TRAF7: variants seen among roughly 807,000 people sequenced by gnomAD.
TRAF7 encodes TNF receptor associated factor 7, also known as E3 ubiquitin-protein ligase TRAF7.
In TRAF7, 45 loss-of-function variants were observed where a neutral mutation model predicts 89.3. The ratio of observed to expected loss-of-function variants is 0.50; its 90% confidence interval spans 0.40 to 0.65. The LOEUF (loss-of-function observed/expected upper bound fraction) is 0.65. Ranked by LOEUF, TRAF7 falls within the 30% of genes least tolerant of loss-of-function variation. The probability of loss-of-function intolerance (pLI) is 0.00; values close to 1 mark genes in which losing one functional copy is unlikely to be tolerated. For synonymous variants in TRAF7, 406 were observed against 369.2 expected (o/e 1.10, Z -1.14); for missense variants, 677 against 918.1 (o/e 0.74, Z 3.39).
chr16:2,156,722 T>C (rs1021167668), intron 1 of TRAF7, among the ~76,000 whole-genome samples: 10 of 40,542 alleles, frequency 2.5e-4, no homozygotes, highest in Admixed American at 1.5e-3. Flanking sequence ...GCTCACAGGG[T>C]GCATGGTGGG....
intron 3 of TRAF7, among the ~76,000 whole-genome samples, chr16:2,166,802 C>T (rs558160968): frequency 2.4e-4 from 36 of 152,390 alleles, no homozygotes; most frequent in African/African-American, 7.9e-4. Context: ...AACCAGAGTG[C>T]TGCGCTTTGA....
Position 2,164,145 on chromosome 16 carries a change from T to TGG in TRAF7, c.81+145_81+146insGG, listed in dbSNP as rs1169355037. The TGG allele has an allele frequency of 1.2e-4, 67 of 557,934 alleles. No homozygotes were observed. In the African/African-American group the frequency reaches 1.4e-3, roughly 11 times the overall value. 34.6% of individuals were successfully genotyped at this position (557,934 alleles called of 1,614,324 possible). A position where few individuals can be genotyped will look rare whatever the true frequency, so the allele number is the denominator to read the frequency against. ...GCTCGGTGGGGGGGGGTGTGGTGTG[T>TGG]GTGTGTGTGTGTGTGCGCGCGCGCG... On this transcript the variant is annotated intron_variant, in intron 2 of 20. Transcript: ENST00000326181.
intron 14 of TRAF7, 82 bp downstream of exon 14, chr16:2,174,415 C>T: frequency 1.4e-6 from 2 of 1,397,378 alleles, no homozygotes; most frequent in Non-Finnish European, 2.0e-6. Flanking sequence ...GAGCCATGAG[C>T]TCGAGCCTGT....
In TRAF7 at chr16:2,174,061, C is replaced by A; in HGVS notation, c.1263+13C>A. ...CAAGACCATCAAGGTGGGCAGGGTCCTACCTCAGTCTCTGCAGCCTGGCTG... is the reference window on the plus strand; with the variant it reads ...CAAGACCATCAAGGTGGGCAGGGTCATACCTCAGTCTCTGCAGCCTGGCTG... On this transcript the variant is annotated intron_variant, in intron 13 of 20. Transcript: ENST00000326181. 1 of 1,612,200 alleles carries A rather than the reference C, an allele frequency of 6.2e-7. No homozygotes were observed. Among genetic ancestry groups the A allele is most frequent in the South Asian group, 1.1e-5 (1 of 91,066 alleles).
rs1431489675 is a variant in TRAF7, at chr16:2,158,875, C to G, written c.-39+3017C>G. On this transcript the variant is annotated intron_variant, in intron 1 of 20. Coordinates refer to ENST00000326181, the MANE Select transcript of TRAF7 (RefSeq NM_032271.3). This position sits in a 1 kb window ranked among gnomAD's most constrained non-coding sequence, Gnocchi z 4.7. ...TGGGTGAGAGCCAGGAACGCACTCC[C>G]CAGCCCAGAGCTGTGAAGCTGGGGT... Among the ~76,000 whole-genome samples the G allele has an allele frequency of 6.6e-6, 1 of 152,008 alleles. No homozygotes were observed. Among genetic ancestry groups the G allele is most frequent in the African/African-American group, 2.4e-5 (1 of 41,370 alleles).
At chr16:2,176,008 T>C (rs1434627781) in intron 18 of TRAF7, 41 bp from the exon 19 acceptor site, 3 of 1,610,396 alleles carry the variant, frequency 1.9e-6, no homozygotes, top group Non-Finnish European at 2.5e-6. Flanking sequence ...CTCCCCCGCC[T>C]TGCTCAGTGT....
In TRAF7 at chr16:2,175,145, A is replaced by C; in HGVS notation, c.1381A>C (p.Ile461Leu). ...CTACAGCGGCTCTGCAGACTGCACC[A>C]TCATTGTGAGTGGGGCCTACAGGCG... Reference protein sequence around the residue: ...KLYSGSADCTIIVWDIQNLQK... With the variant: ...KLYSGSADCTLIVWDIQNLQK... Residue 461 changes from isoleucine (I) to leucine (L), a missense_variant, in exon 15 of 21, where the codon ATC becomes CTC. Ile to Leu is a conservative substitution (Grantham distance 5, BLOSUM62 2). Around this residue, in one of 6 missense-constraint regions of TRAF7, gnomAD observed 160 missense variants for 263.7 expected, o/e 0.61. Transcript: ENST00000326181. 6.2e-7 allele frequency: 1 copy of C among 1,613,750 alleles called. No individual in the cohort carries two copies. Among genetic ancestry groups the C allele is most frequent in the Non-Finnish European group, 8.5e-7 (1 of 1,179,976 alleles).
At chr16:2,169,476 C>T (rs887535047) in intron 4 of TRAF7, among the ~76,000 whole-genome samples, 2 of 152,146 alleles carry the variant, frequency 1.3e-5, no homozygotes, top group African/African-American at 4.8e-5. Flanking sequence ...GTCACGGTGG[C>T]TTTCAAGAGA....
At position 2,172,604 on chromosome 16, in the gene TRAF7, G is replaced by GT; in HGVS notation, c.794+6dup. ...ATGCCCCCACTCCAAGTACGGGTGA[G>GT]TGGGGGGCGGGCGGGGGTGGGCCGG... On this transcript the variant is annotated splice_donor_region_variant and intron_variant, in intron 9 of 20. Coordinates refer to ENST00000326181, the MANE Select transcript of TRAF7 (RefSeq NM_032271.3). 6.5e-7 allele frequency: 1 copy of GT among 1,545,626 alleles called. No homozygotes were observed.
chr16:2,168,102 G>C lies in TRAF7; in HGVS notation c.165G>C (p.Gln55His). ...CTGACGGGACCAGCACCTACAAGCA[G>C]CACTGCAGGACACCCTCCTCCTCCA... Reference protein sequence around the residue: ...TKADGTSTYKQHCRTPSSSST... With the variant: ...TKADGTSTYKHHCRTPSSSST... The change falls in exon 4 of 21, where the codon CAG becomes CAC. Residue 55 changes from glutamine (Q) to histidine (H), a missense_variant. Gln to His is a conservative substitution (Grantham distance 24, BLOSUM62 0). Coordinates refer to ENST00000326181, the MANE Select transcript of TRAF7 (RefSeq NM_032271.3). This position sits in a 1 kb window ranked among gnomAD's most constrained non-coding sequence, Gnocchi z 4.1. The C allele has an allele frequency of 6.2e-7, 1 of 1,612,112 alleles. No individual in the cohort carries two copies. Among genetic ancestry groups the C allele is most frequent in the South Asian group, 1.1e-5 (1 of 91,060 alleles).
At position 2,176,148 on chromosome 16, in the gene TRAF7, G is replaced by A. The variant is rs751292512; in HGVS notation, c.1846G>A (p.Val616Ile). The change falls in exon 19 of 21, where the codon GTC becomes ATC. Residue 616 changes from valine (V) to isoleucine (I), a missense_variant. Physicochemically the swap from Val to Ile is conservative, Grantham distance 29. Coordinates refer to ENST00000326181, the MANE Select transcript of TRAF7 (RefSeq NM_032271.3). ...CATCTCGACGCCAGACCAGACCAAA[G>A]TCTTCAGTGCATCCTACGACCGGTC... ...AVISTPDQTKVFSASYDRSLR... is the reference protein window; with the variant it reads ...AVISTPDQTKIFSASYDRSLR... 1.2e-6 allele frequency: 2 copies of A among 1,609,766 alleles called. No individual in the cohort carries two copies. Among genetic ancestry groups the A allele is most frequent in the South Asian group, 2.2e-5 (2 of 90,972 alleles).
Position 2,176,567 on chromosome 16 carries a change from C to G in TRAF7, c.2006C>G (p.Thr669Ser), listed in dbSNP as rs1348441680. The G allele has an allele frequency of 6.2e-7, 1 of 1,613,462 alleles. No homozygotes were observed. The highest frequency in any genetic ancestry group is 8.5e-7 in the Non-Finnish European group (1 of 1,179,998). The change falls in exon 21 of 21, where the codon ACT (threonine) becomes AGT (serine). Residue 669 changes from threonine (T) to serine (S), a missense_variant. Thr to Ser is a moderately conservative substitution (Grantham distance 58). This residue lies in a region of TRAF7 where 23 missense variants were observed against 31.7 expected (regional missense o/e 0.73). Coordinates refer to ENST00000326181, the MANE Select transcript of TRAF7 (RefSeq NM_032271.3). ...GCAGCCCTTTCTCTGCAGGTTTGGA[C>G]TTGCTAACAGGATCCAGGCCAGGCT... Reference protein sequence around the residue: ...GAVDSTVKVWTC With the variant: ...GAVDSTVKVWSC
intron 3 of TRAF7, among the ~76,000 whole-genome samples, chr16:2,167,781 C>A (rs1354679360): frequency 6.6e-6 from 1 of 152,130 alleles, no homozygotes; most frequent in Non-Finnish European, 1.5e-5. Context: ...TTGTAGAGGC[C>A]CTGAAAGAAG....
intron 17 of TRAF7, 93 bp downstream of exon 17, chr16:2,175,715 C>T (rs2093132848): frequency 1.3e-6 from 2 of 1,587,592 alleles, no homozygotes; most frequent in Non-Finnish European, 1.7e-6. Context: ...CTGTTCCTAC[C>T]TTCGCACATC....
intron 3 of TRAF7, 101 bp downstream of exon 3, chr16:2,166,037 TG>T: frequency 6.8e-7 from 1 of 1,474,670 alleles, no homozygotes; most frequent in Non-Finnish European, 9.3e-7. Flanking sequence ...GAGCTGGTGT[TG>T]GGTGCCAGTG....
intron 1 of TRAF7, among the ~76,000 whole-genome samples, chr16:2,157,384 C>T (rs1331840880): frequency 6.6e-6 from 1 of 152,090 alleles, no homozygotes; most frequent in Admixed American, 6.5e-5. Flanking sequence ...AAGTGACTTC[C>T]ACCGTGGCCC....
rs1163839895 is a variant in TRAF7, at chr16:2,162,267, G to GTCCC, written c.-38-1615_-38-1614insCCCT. On this transcript the variant is annotated intron_variant, in intron 1 of 20. Transcript: ENST00000326181. This position sits in a 1 kb window ranked among gnomAD's most constrained non-coding sequence, Gnocchi z 5.0. ...GAGAATGGGAGAGGAGACAGCAGGA[G>GTCCC]TGGTAGACAGCCCAGGAGCTCAGGT... Among the ~76,000 whole-genome samples, 158 of 151,592 alleles carry GTCCC rather than the reference G, an allele frequency of 1.0e-3. 3 individuals carry two copies. Among genetic ancestry groups the GTCCC allele is most frequent in the Non-Finnish European group, 4.3e-4 (29 of 67,840 alleles).
chr16:2,174,440 G>T (rs985997192), intron 14 of TRAF7, 107 bp downstream of exon 14: 1 of 1,113,624 alleles, frequency 9.0e-7, no homozygotes, highest in South Asian at 1.5e-5. Context: ...CTATGTGTGT[G>T]CCCCACCTAT....
rs376580813 is a variant in TRAF7 at position 2,164,139 on chromosome 16, G to GGTGTGTGTGT, written c.81+150_81+159dup. The GGTGTGTGTGT allele has an allele frequency of 2.2e-3, 1,203 of 543,932 alleles. 7 individuals are homozygous for GGTGTGTGTGT. Among genetic ancestry groups the GGTGTGTGTGT allele is most frequent in the African/African-American group, 0.015 (684 of 46,484 alleles). The allele number at this position is 543,932 out of a possible 1,614,324, so 33.7% of individuals were successfully genotyped here. A position where few individuals can be genotyped will look rare whatever the true frequency, so the allele number is the denominator to read the frequency against. On this transcript the variant is annotated intron_variant, in intron 2 of 20. Transcript: ENST00000326181. ...AGGGGAGCTCGGTGGGGGGGGGTGTGGTGTGTGTGTGTGTGTGTGTGCGCG... is the reference window on the plus strand; with the variant it reads ...AGGGGAGCTCGGTGGGGGGGGGTGTGGTGTGTGTGTGTGTGTGTGTGTGTGTGTGTGCGCG...
Sources: allele counts gnomAD v4.1 joint callset (sites outside exome capture counted in the v4.1 genomes callset), GRCh38; gene constraint gnomAD v4.1.1; regional missense constraint gnomAD v4.1.1; non-coding constraint Gnocchi (gnomAD v3.1); transcripts MANE v1.5; gene names NCBI Gene and HGNC (gene_info 2026-07-23, HGNC 2026-07-21).